Variants in TRPM8 observed in about 807,000 individuals in gnomAD.
The protein encoded by TRPM8 is TRPM8 cationic channel.
In TRPM8, 110 loss-of-function variants were observed where a neutral mutation model predicts 133.7. The observed-to-expected ratio is 0.82, with a 90% CI of 0.70 to 0.96. The LOEUF (loss-of-function observed/expected upper bound fraction) is 0.96, where lower values mean the gene tolerates loss of function less well. TRPM8 is among the 40% of genes least tolerant of loss of function. TRPM8 has a pLI of 0.00. For missense variants in TRPM8, 1,291 were observed against 1,379.5 expected (o/e 0.94, Z 1.02); for synonymous variants, 535 against 532.3 (o/e 1.01, Z -0.07).
chr2:233,928,125 A>G (rs2362292), intron 2 of TRPM8, among the ~76,000 whole-genome samples: 61,850 of 150,426 alleles, frequency 0.41, 18,053 homozygotes, highest in African/African-American at 0.8. Context: ...TCCCGCCACT[A>G]TGCCTGGCTA....
intron 8 of TRPM8, among the ~76,000 whole-genome samples, chr2:233,949,605 C>T (rs954576066): frequency 3.9e-5 from 6 of 152,144 alleles, no homozygotes; most frequent in African/African-American, 1.4e-4. Flanking sequence ...TGAATACAGT[C>T]TTAATACATG....
chr2:233,965,055 G>T (rs113417355), intron 14 of TRPM8, among the ~76,000 whole-genome samples: 108 of 14,296 alleles, frequency 7.6e-3, no homozygotes, highest in East Asian at 0.034. Flanking sequence ...TTTTTTTGTG[G>T]GGGGGGGGGG....
chr2:234,008,400 G>A (rs1418561331), intron 24 of TRPM8, among the ~76,000 whole-genome samples: 2 of 152,182 alleles, frequency 1.3e-5, no homozygotes, highest in Non-Finnish European at 2.9e-5. Flanking sequence ...TACAATTATA[G>A]GGAACATAAG....
intron 22 of TRPM8, among the ~76,000 whole-genome samples, chr2:234,004,268 G>T (rs533368519): frequency 9.2e-5 from 14 of 152,330 alleles, no homozygotes; most frequent in African/African-American, 3.4e-4. Context: ...ACAACAGAAG[G>T]ACAGGATCTT....
intron 14 of TRPM8, chr2:233,966,102 G>A (rs753690359): frequency 5.9e-5 from 9 of 153,720 alleles, no homozygotes; most frequent in Non-Finnish European, 1.0e-4. Context: ...CACACTCCTC[G>A]GCCTCCCAAA....
chr2:233,973,497 G>T (rs1030521254), intron 17 of TRPM8, among the ~76,000 whole-genome samples: 6 of 152,132 alleles, frequency 3.9e-5, no homozygotes, highest in African/African-American at 1.2e-4. Flanking sequence ...CCAAATCTCC[G>T]CTCTCCCTGG....
At chr2:233,927,851 CCTT>C (rs1559516466) in intron 2 of TRPM8, among the ~76,000 whole-genome samples, 1,525 of 37,540 alleles carry the variant, frequency 0.041, 231 homozygotes, top group Middle Eastern at 0.1. Flanking sequence ...TTCCTTCCTT[CCTT>C]TCTTTCTCTT....
intron 25 of TRPM8, among the ~76,000 whole-genome samples, chr2:234,016,443 G>A (rs1201912497): frequency 6.6e-6 from 1 of 152,166 alleles, no homozygotes; most frequent in African/African-American, 2.4e-5. Context: ...AGCTAGGTAT[G>A]CTCTGCCAGT....
At chr2:233,930,860 C>T in intron 3 of TRPM8, 119 bp downstream of exon 3, 1 of 663,762 alleles carries the variant, frequency 1.5e-6, no homozygotes, top group Non-Finnish European at 2.6e-6. Flanking sequence ...TTATAATTCT[C>T]AGAAACACTG....
chr2:234,001,061 A>G (rs28902231), intron 22 of TRPM8, among the ~76,000 whole-genome samples: 3 of 152,364 alleles, frequency 2.0e-5, no homozygotes, highest in African/African-American at 4.8e-5. Flanking sequence ...GTATGATCCC[A>G]TGGTAATAAA....
chr2:233,980,324 C>A (rs758932505), intron 18 of TRPM8, 45 bp downstream of exon 18: 2 of 1,336,610 alleles, frequency 1.5e-6, no homozygotes, highest in Non-Finnish European at 2.1e-6. Context: ...GTTTTGACTA[C>A]AAAAGTGGAG....
intron 14 of TRPM8, among the ~76,000 whole-genome samples, chr2:233,965,405 A>G (rs1205292938): frequency 6.6e-6 from 1 of 152,240 alleles, no homozygotes; most frequent in East Asian, 1.9e-4. Context: ...GGCATGTCTC[A>G]GGACGCCTGA....
intron 11 of TRPM8, among the ~76,000 whole-genome samples, chr2:233,958,930 G>T (rs1691361017): frequency 6.6e-6 from 1 of 151,862 alleles, no homozygotes; most frequent in African/African-American, 2.4e-5. Context: ...ACTGTGGGGA[G>T]TTGGAGAGCC....
rs538747001 is a variant in TRPM8, at chr2:233,942,740, G to A, written c.691G>A (p.Asp231Asn). 21 of 1,614,086 alleles carry A rather than the reference G, an allele frequency of 1.3e-5. No individual in the cohort carries two copies. The highest frequency in any genetic ancestry group is 1.7e-5 in the Admixed American group (1 of 60,026). ...SNRDTLIRNC[D>N]AEGYFLAQYL... ...CCGGGACACCCTCATCAGGAATTGC[G>A]ATGCTGAGGTACCGGTGGGACAGGA... Residue 231 changes from aspartate to asparagine, a missense_variant, in exon 6 of 26, where the codon GAT becomes AAT. Physicochemically the swap from Asp to Asn is conservative, Grantham distance 23. Around this residue, in one of 2 missense-constraint regions of TRPM8, gnomAD observed 963 missense variants for 968.9 expected, o/e 0.99. Coordinates refer to ENST00000324695, the MANE Select transcript of TRPM8 (RefSeq NM_024080.5).
At chr2:233,958,052 C>T (rs983603877) in intron 11 of TRPM8, among the ~76,000 whole-genome samples, 10 of 152,132 alleles carry the variant, frequency 6.6e-5, no homozygotes, top group Non-Finnish European at 2.9e-5. Context: ...ATTTCTGTGA[C>T]CTTTTACAGT....
chr2:233,946,038 G>T lies in TRPM8; in HGVS notation c.874+8G>T. 1 of 1,613,420 alleles carries T rather than the reference G, an allele frequency of 6.2e-7. No homozygotes were observed. Among genetic ancestry groups the T allele is most frequent in the Non-Finnish European group, 8.5e-7 (1 of 1,179,522 alleles). On this transcript the variant is annotated splice_region_variant and intron_variant, in intron 7 of 25. Transcript: ENST00000324695. ...CTGAGCGCACTATTCAAGGTCAGTG[G>T]TTAGGAGGTAGGACACTAGAAGTGT...
At chr2:233,997,481 G>A (rs1692439024) in intron 22 of TRPM8, among the ~76,000 whole-genome samples, 1 of 152,164 alleles carries the variant, frequency 6.6e-6, no homozygotes. Context: ...CAGAGGGACA[G>A]GATGGGAAGG....
intron 14 of TRPM8, 41 bp from the exon 15 acceptor site, chr2:233,966,569 A>G: frequency 6.2e-7 from 1 of 1,612,362 alleles, no homozygotes; most frequent in Non-Finnish European, 8.5e-7. Context: ...GGTCATGTGC[A>G]GCTCTTACAC....
chr2:233,918,347 TATA>T (rs1283550763), intron 1 of TRPM8, among the ~76,000 whole-genome samples: 1 of 149,570 alleles, frequency 6.7e-6, no homozygotes, highest in Non-Finnish European at 1.5e-5. Context: ...ATAGAAATAA[TATA>T]ATTACATTAT....
Sources: gnomAD v4.1 joint callset for allele counts (sites outside exome capture counted in the v4.1 genomes callset) on GRCh38, gnomAD v4.1.1 for gene constraint, gnomAD v4.1.1 regional missense constraint, MANE v1.5 for transcripts, NCBI Gene and HGNC (gene_info 2026-07-23, HGNC 2026-07-21) for gene names.